The following TAF1A variants were observed in gnomAD, a reference collection of about 807,000 sequenced individuals.
TAF1A encodes the protein TATA box-binding protein-associated factor RNA polymerase I subunit A.
Under a neutral mutation model 61.6 loss-of-function variants are expected in TAF1A, and 42 were observed. The observed-to-expected ratio is 0.68, with a 90% CI of 0.53 to 0.88. The LOEUF is 0.88. TAF1A is among the 40% of genes least tolerant of loss of function. The pLI is 0.00. For synonymous variants in TAF1A, 179 were observed against 177.7 expected (o/e 1.01, Z -0.06); for missense variants, 424 against 518.7 (o/e 0.82, Z 1.77).
chr1:222,582,098 C>A (rs1660811421), intron 3 of TAF1A, among the ~76,000 whole-genome samples: 1 of 152,094 alleles, frequency 6.6e-6, no homozygotes, highest in Admixed American at 6.5e-5. Context: ...CATTAGAAAG[C>A]AAAGGTGTCA....
At chr1:222,569,350 A>G (rs1660250282) in intron 7 of TAF1A, 160 bp downstream of exon 7, 1 of 1,538,962 alleles carries the variant, frequency 6.5e-7, no homozygotes, top group Non-Finnish European at 8.7e-7. Flanking sequence ...TGATACATAC[A>G]TGGAGATGGC....
At chr1:222,585,389 C>T (rs1205400401) in intron 2 of TAF1A, among the ~76,000 whole-genome samples, 1 of 150,554 alleles carries the variant, frequency 6.6e-6, no homozygotes, top group Non-Finnish European at 1.5e-5. Flanking sequence ...TTTTCTCATT[C>T]TAGAAATACA....
downstream of TAF1A, among the ~76,000 whole-genome samples, chr1:222,556,803 T>C (rs558108425): frequency 6.6e-6 from 1 of 152,324 alleles, no homozygotes; most frequent in East Asian, 1.9e-4. Flanking sequence ...ATAGTCCTGT[T>C]TTATAGCTTT....
At chr1:222,564,409 T>A (rs1180931257) in intron 7 of TAF1A, among the ~76,000 whole-genome samples, 2 of 150,248 alleles carry the variant, frequency 1.3e-5, no homozygotes, top group Non-Finnish European at 3.0e-5. Flanking sequence ...CTTATACATA[T>A]CTATACTGTT....
rs1013671233 is a variant in TAF1A, at chr1:222,559,806, C to A, written c.1241-1034G>T. 3.9e-5 allele frequency among the ~76,000 whole-genome samples: 6 copies of A among 151,914 alleles called. No homozygotes were observed. The East Asian group carries it at 1.2e-3, about 29-fold the overall frequency. On this transcript the variant is annotated intron_variant, in intron 10 of 10. Coordinates refer to ENST00000352967, the MANE Select transcript of TAF1A (RefSeq NM_005681.4). Reference sequence around the variant, plus strand: ...GGATTACAGGCACACTGCATGCCACCGCACCCAGCTAGTAACGTTTTACTA... The same window carrying A: ...GGATTACAGGCACACTGCATGCCACAGCACCCAGCTAGTAACGTTTTACTA...
intron 2 of TAF1A, among the ~76,000 whole-genome samples, chr1:222,586,126 A>C (rs945769408): frequency 3.9e-5 from 6 of 152,132 alleles, no homozygotes; most frequent in African/African-American, 1.4e-4. Context: ...CTTGCTACTC[A>C]ATGTGGTCCT....
intron 2 of TAF1A, among the ~76,000 whole-genome samples, chr1:222,588,032 A>C (rs955652068): frequency 1.3e-5 from 2 of 151,526 alleles, no homozygotes; most frequent in Non-Finnish European, 2.9e-5. Context: ...TGGGCAACAG[A>C]GCAAGACTCT....
intron 10 of TAF1A, 92 bp downstream of exon 10, chr1:222,561,272 C>A: frequency 2.3e-6 from 3 of 1,329,982 alleles, no homozygotes; most frequent in Non-Finnish European, 3.1e-6. Context: ...TTTTTAGGTA[C>A]CATGTTAGGT....
chr1:222,557,001 A>G (rs555551244), downstream of TAF1A, among the ~76,000 whole-genome samples: 35 of 152,318 alleles, frequency 2.3e-4, no homozygotes, highest in Non-Finnish European at 4.1e-4. Flanking sequence ...CTCATTTTAC[A>G]TGTACTTTCT....
At chr1:222,559,584 C>T (rs972590105) in intron 10 of TAF1A, among the ~76,000 whole-genome samples, 1 of 152,054 alleles carries the variant, frequency 6.6e-6, no homozygotes, top group Admixed American at 6.5e-5. Context: ...TGTATGCATC[C>T]ATCTTCTCTG....
chr1:222,588,291 A>C, intron 2 of TAF1A, 152 bp downstream of exon 2: 1 of 929,706 alleles, frequency 1.1e-6, no homozygotes, highest in Non-Finnish European at 1.6e-6. Flanking sequence ...AAAGAATTCT[A>C]AAAGAAAAAA....
At chr1:222,554,604 A>ATT (rs1438116159), downstream of TAF1A, among the ~76,000 whole-genome samples, 1 of 152,148 alleles carries the variant, frequency 6.6e-6, no homozygotes, top group Non-Finnish European at 1.5e-5. Flanking sequence ...TGTTTTTTTA[A>ATT]TTTTTGTTGC....
chr1:222,582,423 T>C (rs983899381), intron 3 of TAF1A, among the ~76,000 whole-genome samples: 2 of 152,212 alleles, frequency 1.3e-5, no homozygotes, highest in African/African-American at 4.8e-5. Flanking sequence ...AGGATGACTA[T>C]TATCAGTAAG....
chr1:222,586,193 A>T (rs1449630299), intron 2 of TAF1A, among the ~76,000 whole-genome samples: 1 of 152,142 alleles, frequency 6.6e-6, no homozygotes, highest in African/African-American at 2.4e-5. Context: ...TACTATGCCC[A>T]GCTCTCTCAA....
At chr1:222,562,280 G>A (rs745698091) in intron 9 of TAF1A, among the ~76,000 whole-genome samples, 1 of 152,102 alleles carries the variant, frequency 6.6e-6, no homozygotes, top group African/African-American at 2.4e-5. Context: ...TACAGTCTAC[G>A]TTGCACATTA....
intron 7 of TAF1A, 80 bp downstream of exon 7, chr1:222,569,430 A>C: frequency 6.2e-7 from 1 of 1,611,326 alleles, no homozygotes; most frequent in Non-Finnish European, 8.5e-7. Context: ...AGATGCTATA[A>C]AAGTTAGAAA....
intron 5 of TAF1A, 38 bp from the exon 6 acceptor site, chr1:222,570,703 C>A: frequency 6.6e-7 from 1 of 1,516,830 alleles, no homozygotes; most frequent in Non-Finnish European, 8.9e-7. Flanking sequence ...ATTCATTAAA[C>A]ATTGAGGACC....
chr1:222,555,604 T>C (rs147246995), downstream of TAF1A, among the ~76,000 whole-genome samples: 97 of 152,328 alleles, frequency 6.4e-4, no homozygotes, highest in African/African-American at 2.3e-3. Context: ...GTTTCAGTGA[T>C]ACAAGATGAA....
chr1:222,554,834 A>C (rs1182063859), downstream of TAF1A, among the ~76,000 whole-genome samples: 6 of 152,062 alleles, frequency 3.9e-5, no homozygotes, highest in Non-Finnish European at 8.8e-5. Flanking sequence ...TCTTTTTATG[A>C]GGGGAGGTGG....
Sources: gnomAD v4.1 joint callset for allele counts (sites outside exome capture counted in the v4.1 genomes callset) on GRCh38, gnomAD v4.1.1 for gene constraint, MANE v1.5 for transcripts, NCBI Gene and HGNC (gene_info 2026-07-23, HGNC 2026-07-21) for gene names.